MYH15: variants seen among roughly 807,000 people sequenced by gnomAD.
MYH15 encodes the protein myosin-15.
MYH15 carries 227 observed loss-of-function variants against 240.5 expected under a neutral mutation model. The ratio of observed to expected loss-of-function variants is 0.94; its 90% confidence interval spans 0.85 to 1.05. The LOEUF (loss-of-function observed/expected upper bound fraction) is 1.05. MYH15 is among the 50% of genes least tolerant of loss of function. MYH15 has a pLI of 0.00. For missense variants in MYH15, 2,217 were observed against 2,247.5 expected (o/e 0.99, Z 0.27); for synonymous variants, 785 against 796.7 (o/e 0.99, Z 0.25).
chr3:108,460,351 C>A lies in MYH15; in HGVS notation c.1881G>T (p.Glu627Asp). The A allele has an allele frequency of 6.3e-7, 1 of 1,597,024 alleles. No homozygotes were observed. Among genetic ancestry groups the A allele is most frequent in the Non-Finnish European group, 8.5e-7 (1 of 1,173,426 alleles). The change falls in exon 17 of 41, where the codon GAG becomes GAT. Residue 627 changes from glutamate (E) to aspartate (D), a missense_variant. Physicochemically the swap from Glu to Asp is conservative, Grantham distance 45 (BLOSUM62 2). Coordinates refer to ENST00000693548, the MANE Select transcript of MYH15 (RefSeq NM_014981.3). ...MSTDSAIPFG[E>D]KKRKKGASFQ... ...ATGAAGCTCCTTTCTTTCGTTTCTTCTCCCCAAATGGTATAGCTAGCAAAA... is the reference window on the plus strand; with the variant it reads ...ATGAAGCTCCTTTCTTTCGTTTCTTATCCCCAAATGGTATAGCTAGCAAAA...
chr3:108,516,529 G>A (rs2083573986), intron 1 of MYH15, among the ~76,000 whole-genome samples: 1 of 152,186 alleles, frequency 6.6e-6, no homozygotes, highest in African/African-American at 2.4e-5. Flanking sequence ...CTGGGGAAAT[G>A]CTGCAAGATG....
At chr3:108,516,870 T>C (rs750817020) in intron 1 of MYH15, among the ~76,000 whole-genome samples, 3 of 152,220 alleles carry the variant, frequency 2.0e-5, no homozygotes, top group Non-Finnish European at 2.9e-5. Flanking sequence ...AGGGTGATTA[T>C]TATTACAGCT....
the MYH15 span, among the ~76,000 whole-genome samples, chr3:108,545,508 T>C: frequency 1.3e-5 from 2 of 152,072 alleles, no homozygotes; most frequent in Non-Finnish European, 2.9e-5. Context: ...TACAGAAGAA[T>C]AAAACATTAA....
chr3:108,509,219 T>C (rs2083502210), intron 1 of MYH15, among the ~76,000 whole-genome samples: 1 of 152,184 alleles, frequency 6.6e-6, no homozygotes. Context: ...TGAGGAAGGA[T>C]TGTTTGGTCC....
intron 26 of MYH15, among the ~76,000 whole-genome samples, chr3:108,430,041 A>G (rs894975784): frequency 2.0e-5 from 3 of 152,208 alleles, no homozygotes; most frequent in African/African-American, 7.2e-5. Flanking sequence ...TATTTTGGAT[A>G]AAGTCAAGAG....
intron 37 of MYH15, 49 bp downstream of exon 37, chr3:108,391,711 G>T (rs764352337): frequency 1.9e-6 from 3 of 1,562,930 alleles, no homozygotes; most frequent in Admixed American, 1.9e-5. Context: ...AGGACAAAGA[G>T]GTCTTGAATT....
At chr3:108,537,812 C>G in the MYH15 span, among the ~76,000 whole-genome samples, 24 of 152,060 alleles carry the variant, frequency 1.6e-4, no homozygotes, top group African/African-American at 5.6e-4. Context: ...CGGGGAAAAA[C>G]AAAGAAAAAT....
intron 7 of MYH15, among the ~76,000 whole-genome samples, chr3:108,493,812 G>C (rs1190438823): frequency 3.9e-5 from 6 of 152,198 alleles, no homozygotes; most frequent in Non-Finnish European, 8.8e-5. Context: ...GTAGAACACG[G>C]GAAAGGGTAG....
At chr3:108,491,706 C>A (rs56883253) in intron 9 of MYH15, among the ~76,000 whole-genome samples, 6 of 152,264 alleles carry the variant, frequency 3.9e-5, no homozygotes, top group Admixed American at 2.6e-4. Flanking sequence ...CCGCACCCCC[C>A]ACAACACACT....
chr3:108,501,731 T>C lies in MYH15; in HGVS notation c.320A>G (p.Tyr107Cys). The C allele has an allele frequency of 6.2e-7, 1 of 1,613,810 alleles. No individual in the cohort carries two copies. Among genetic ancestry groups the C allele is most frequent in the Non-Finnish European group, 8.5e-7 (1 of 1,179,786 alleles). ...ASVLHTLKRR[Y>C]GQWMIYTYSG... ...ACACACATAGATCATCCACTGGCCA[T>C]AGCGCCGCTTCAGGGTATGCAGCAC... Residue 107 changes from tyrosine to cysteine, a missense_variant, in exon 3 of 41, where the codon TAT becomes TGT. By Grantham distance (194) the Tyr-to-Cys change is radical. Transcript: ENST00000693548.
In MYH15 at chr3:108,481,688, T is replaced by C. The variant is rs541721545; in HGVS notation, c.1114+3403A>G. 2.0e-5 allele frequency among the ~76,000 whole-genome samples: 3 copies of C among 151,608 alleles called. No individual in the cohort carries two copies. In the East Asian group the frequency reaches 5.8e-4, roughly 29 times the overall value. Reference sequence around the variant, plus strand: ...CATCCAAGAGGCCAGGACATGTGAGTGGAGGGAAATGAGAGACGAGAAAAT... The same window carrying C: ...CATCCAAGAGGCCAGGACATGTGAGCGGAGGGAAATGAGAGACGAGAAAAT... On this transcript the variant is annotated intron_variant, in intron 11 of 40. Transcript: ENST00000693548.
At chr3:108,383,803 A>G (rs1488731618) in intron 39 of MYH15, 74 bp from the exon 40 acceptor site, 3 of 1,199,578 alleles carry the variant, frequency 2.5e-6, no homozygotes, top group African/African-American at 1.6e-5. Context: ...CTGCTCTGAC[A>G]TGAGAAAGTT....
chr3:108,428,299 G>A (rs1313245020), intron 27 of MYH15, among the ~76,000 whole-genome samples, 193 bp downstream of exon 27: 4 of 152,172 alleles, frequency 2.6e-5, no homozygotes, highest in Admixed American at 1.3e-4. Context: ...GTCACATTCT[G>A]GTGATGGCTG....
Position 108,486,417 on chromosome 3 carries a change from C to G in MYH15, c.975+6G>C. 2.5e-6 allele frequency: 4 copies of G among 1,604,776 alleles called. No homozygotes were observed. Among genetic ancestry groups the G allele is most frequent in the Non-Finnish European group, 3.4e-6 (4 of 1,172,626 alleles). On this transcript the variant is annotated splice_donor_region_variant and intron_variant, in intron 10 of 40. Transcript: ENST00000693548. ...AGATTTTGCTTTGACAACTAACAAG[C>G]CTTACTTCTGTGGCCAGCAATTCTT...
At chr3:108,408,224 T>C in intron 32 of MYH15, 56 bp downstream of exon 32, 1 of 1,563,952 alleles carries the variant, frequency 6.4e-7, no homozygotes, top group Non-Finnish European at 8.6e-7. Flanking sequence ...TATTGCTGAA[T>C]GCAGATCTTC....
chr3:108,431,041 C>A, intron 25 of MYH15, 119 bp from the exon 26 acceptor site: 1 of 699,302 alleles, frequency 1.4e-6, no homozygotes, highest in East Asian at 2.8e-5. Context: ...GATAGATATC[C>A]CAATTACCCT....
chr3:108,450,362 A>T (rs966045016), intron 21 of MYH15, among the ~76,000 whole-genome samples: 10 of 152,220 alleles, frequency 6.6e-5, no homozygotes, highest in African/African-American at 2.4e-4. Context: ...AATATTATTC[A>T]ACCTTAAAAA....
intron 1 of MYH15, among the ~76,000 whole-genome samples, chr3:108,522,143 C>T (rs1296699571): frequency 6.6e-6 from 1 of 151,812 alleles, no homozygotes; most frequent in East Asian, 1.9e-4. Context: ...ACTCGGAGGG[C>T]AGGTGGTGGG....
intron 33 of MYH15, among the ~76,000 whole-genome samples, chr3:108,401,157 C>A (rs1346797217): frequency 6.6e-6 from 1 of 152,090 alleles, no homozygotes; most frequent in Non-Finnish European, 1.5e-5. Context: ...TGCATTATGT[C>A]CCCACCAAAA....
Sources: allele counts gnomAD v4.1 joint callset (sites outside exome capture counted in the v4.1 genomes callset), GRCh38; gene constraint gnomAD v4.1.1; transcripts MANE v1.5; gene names NCBI Gene and HGNC (gene_info 2026-07-23, HGNC 2026-07-21).